The following SYNE2 variants were observed in gnomAD, a reference collection of about 807,000 sequenced individuals.
SYNE2 encodes nesprin-2.
In SYNE2, 431 loss-of-function variants were observed where a neutral mutation model predicts 856.3. The ratio of observed to expected loss-of-function variants is 0.50; its 90% CI spans 0.47 to 0.55. The LOEUF is 0.55. Among genes scored for constraint, SYNE2 ranks in the 20% least tolerant of loss-of-function variants. SYNE2 has a pLI of 0.00. For synonymous variants in SYNE2, 2,923 were observed against 2,872.3 expected (o/e 1.02, Z -0.56); for missense variants, 8,129 against 8,023.2 (o/e 1.01, Z -0.50).
intron 49 of SYNE2, among the ~76,000 whole-genome samples, chr14:64,056,467 TTTC>T (rs1335266493): frequency 2.6e-5 from 4 of 151,330 alleles, no homozygotes; most frequent in East Asian, 1.9e-4. Flanking sequence ...AAATATTGTA[TTTC>T]TTCTTTTTTT....
intron 57 of SYNE2, among the ~76,000 whole-genome samples, chr14:64,083,138 TC>T (rs1261941785): frequency 6.6e-6 from 1 of 152,156 alleles, no homozygotes; most frequent in Admixed American, 6.5e-5. Flanking sequence ...ACCTCAGACC[TC>T]CCTGACGTTT....
At chr14:63,802,449 C>G (rs1436800510) in intron 1 of SYNE2, among the ~76,000 whole-genome samples, 1 of 152,090 alleles carries the variant, frequency 6.6e-6, no homozygotes, top group African/African-American at 2.4e-5. Flanking sequence ...GCAGAAAGAA[C>G]TTCCCTTATG....
chr14:63,807,751 C>T (rs1406926419), intron 1 of SYNE2, among the ~76,000 whole-genome samples: 1 of 137,706 alleles, frequency 7.3e-6, no homozygotes, highest in Admixed American at 7.8e-5. Context: ...ACCTCCTGGG[C>T]TCAATGGATC....
At chr14:64,037,836 C>CGGGGT (rs1555444856) in intron 45 of SYNE2, among the ~76,000 whole-genome samples, 8 of 145,420 alleles carry the variant, frequency 5.5e-5, no homozygotes, top group Admixed American at 2.7e-4. Context: ...GCTGGCTGGG[C>CGGGGT]GGGGGGCTGA....
At chr14:64,119,712 T>A in intron 67 of SYNE2, 103 bp downstream of exon 67, 3 of 1,177,234 alleles carry the variant, frequency 2.5e-6, no homozygotes, top group Non-Finnish European at 3.6e-6. Context: ...ACAGAGAAAC[T>A]GTACTAAGTG....
At chr14:63,901,659 T>C (rs1455990132) in intron 1 of SYNE2, among the ~76,000 whole-genome samples, 2 of 152,230 alleles carry the variant, frequency 1.3e-5, no homozygotes, top group African/African-American at 2.4e-5. Flanking sequence ...CTGCAATTGC[T>C]CACATCTGTA....
chr14:63,836,720 C>A (rs1341513025), intron 1 of SYNE2, among the ~76,000 whole-genome samples: 1 of 152,180 alleles, frequency 6.6e-6, no homozygotes, highest in Non-Finnish European at 1.5e-5. Context: ...CACAGTGGAT[C>A]TGCCAACATC....
Position 64,219,298 on chromosome 14 carries a change from T to G in SYNE2, c.19748T>G (p.Ile6583Ser), listed in dbSNP as rs1567683051. 4 of 1,614,000 alleles carry G rather than the reference T, an allele frequency of 2.5e-6. No homozygotes were observed. Among genetic ancestry groups the G allele is most frequent in the Non-Finnish European group, 3.4e-6 (4 of 1,180,012 alleles). Residue 6583 changes from isoleucine to serine, a missense_variant, in exon 110 of 116, where the codon ATC (isoleucine) becomes AGC (serine). Ile to Ser is a moderately radical substitution (Grantham distance 142). This residue lies in a region of SYNE2 where 5,410 missense variants were observed against 5,284.8 expected (regional missense o/e 1.02). Coordinates refer to ENST00000555002, the MANE Select transcript of SYNE2 (RefSeq NM_182914.3). ...KQNLQQLNSD[I>S]SAITTWLKKT... The stretch of plus-strand genomic sequence containing the variant: ...AATTTGCAACAGCTGAACTCTGATA[T>G]CAGCGCCATCACTACTTGGCTGAAA...
chr14:63,949,647 A>G (rs1426471166), intron 6 of SYNE2, among the ~76,000 whole-genome samples, 178 bp from the exon 7 acceptor site: 1 of 152,170 alleles, frequency 6.6e-6, no homozygotes, highest in Non-Finnish European at 1.5e-5. Context: ...TTAGGAAGCA[A>G]AAGTGCAGCC....
chr14:64,221,182 C>T (rs1405518235), intron 111 of SYNE2, among the ~76,000 whole-genome samples: 1 of 152,164 alleles, frequency 6.6e-6, no homozygotes, highest in Middle Eastern at 3.2e-3. Flanking sequence ...TGCACCACTG[C>T]CTAGCTCTGG....
intron 1 of SYNE2, among the ~76,000 whole-genome samples, chr14:63,887,618 C>T (rs189614498): frequency 2.6e-4 from 39 of 152,288 alleles, no homozygotes; most frequent in Non-Finnish European, 2.9e-5. Flanking sequence ...AGTAACTGAA[C>T]TGGAAGATAT....
intron 1 of SYNE2, among the ~76,000 whole-genome samples, chr14:63,856,382 C>T (rs529893460): frequency 2.0e-5 from 3 of 152,244 alleles, no homozygotes; most frequent in African/African-American, 2.4e-5. Context: ...CTGTATCTGA[C>T]CACTATGTCA....
intron 2 of SYNE2, among the ~76,000 whole-genome samples, chr14:63,934,049 T>A (rs2095799123): frequency 1.3e-5 from 2 of 152,208 alleles, no homozygotes; most frequent in African/African-American, 4.8e-5. Context: ...TATAAAGGTG[T>A]TTAATTGCAC....
At chr14:64,191,177 AAATT>A (rs1390427896) in intron 99 of SYNE2, 2 of 343,664 alleles carry the variant, frequency 5.8e-6, no homozygotes, top group African/African-American at 4.3e-5. Flanking sequence ...TTTATTATTT[AAATT>A]ATTATTTAAA....
chr14:63,868,966 C>A (rs537707798), intron 1 of SYNE2, among the ~76,000 whole-genome samples: 1 of 152,280 alleles, frequency 6.6e-6, no homozygotes, highest in South Asian at 2.1e-4. Context: ...CACTCCAAAA[C>A]AAATGTTTCC....
chr14:64,183,985 G>A (rs1176709642), intron 96 of SYNE2, among the ~76,000 whole-genome samples: 3 of 142,978 alleles, frequency 2.1e-5, no homozygotes, highest in African/African-American at 7.8e-5. Context: ...GGGGAGGGGA[G>A]GGGGAGAGGG....
intron 66 of SYNE2, among the ~76,000 whole-genome samples, chr14:64,115,459 G>C (rs537275606): frequency 6.6e-6 from 1 of 152,276 alleles, no homozygotes; most frequent in African/African-American, 2.4e-5. Context: ...CAGCACAGTG[G>C]AGGGTCTCTG....
chr14:64,186,271 C>T (rs112409644), intron 96 of SYNE2, among the ~76,000 whole-genome samples, 153 bp from the exon 97 acceptor site: 33 of 152,282 alleles, frequency 2.2e-4, no homozygotes, highest in Admixed American at 5.2e-4. Context: ...CAACTGCAGG[C>T]GCTCGTCTTG....
At chr14:64,169,927 T>C (rs1401543156) in intron 93 of SYNE2, among the ~76,000 whole-genome samples, 1 of 152,200 alleles carries the variant, frequency 6.6e-6, no homozygotes, top group Admixed American at 6.5e-5. Context: ...TTTCTAGTTT[T>C]CCTTTCCACG....
Sources: allele counts gnomAD v4.1 joint callset (sites outside exome capture counted in the v4.1 genomes callset), GRCh38; gene constraint gnomAD v4.1.1; regional missense constraint gnomAD v4.1.1; transcripts MANE v1.5; gene names NCBI Gene and HGNC (gene_info 2026-07-23, HGNC 2026-07-21).